The following RAPGEF2 variants were observed in gnomAD, a reference collection of about 807,000 sequenced individuals.
RAPGEF2 encodes the protein PDZ domain containing guanine nucleotide exchange factor (GEF) 1.
Under a neutral mutation model 186.7 loss-of-function variants are expected in RAPGEF2, and 54 were observed. That is an observed-to-expected ratio of 0.29 (90% CI 0.23 to 0.36). The LOEUF is 0.36. RAPGEF2 is among the 10% of genes least tolerant of loss of function. RAPGEF2 has a pLI of 1.00. For missense variants in RAPGEF2, 1,532 were observed against 2,045.0 expected, an observed-to-expected ratio of 0.75 and a Z score of 4.84; for synonymous variants, 712 against 705.9, an observed-to-expected ratio of 1.01 and a Z score of -0.14.
chr4:159,276,347 T>C (rs779814373), intron 7 of RAPGEF2, among the ~76,000 whole-genome samples: 7 of 152,250 alleles, frequency 4.6e-5, no homozygotes. Context: ...AACTTAAAGA[T>C]ATGGATGCAT....
intron 7 of RAPGEF2, among the ~76,000 whole-genome samples, chr4:159,248,550 G>A (rs945932431): frequency 1.3e-5 from 2 of 152,286 alleles, no homozygotes; most frequent in Admixed American, 1.3e-4. Context: ...ACAATGGGTG[G>A]ATGTAACAAT....
intron 7 of RAPGEF2, among the ~76,000 whole-genome samples, chr4:159,259,615 G>C (rs893623103): frequency 2.0e-5 from 3 of 152,120 alleles, no homozygotes; most frequent in Non-Finnish European, 4.4e-5. Context: ...ATTATAATAA[G>C]GAAAGCCAAA....
chr4:159,156,873 A>G (rs1378771516), intron 1 of RAPGEF2, among the ~76,000 whole-genome samples: 1 of 152,234 alleles, frequency 6.6e-6, no homozygotes, highest in Non-Finnish European at 1.5e-5. Flanking sequence ...AATAAACAAT[A>G]CAAACAAGAA....
intron 25 of RAPGEF2, among the ~76,000 whole-genome samples, chr4:159,348,197 G>A (rs1488926044): frequency 6.7e-6 from 1 of 149,258 alleles, no homozygotes; most frequent in African/African-American, 2.6e-5. Context: ...CTCCAGCCTG[G>A]GCGACAGAGC....
chr4:159,268,188 A>C (rs904087820), intron 7 of RAPGEF2: 7 of 1,610,434 alleles, frequency 4.3e-6, no homozygotes, highest in Non-Finnish European at 5.9e-6. Context: ...CTAACCATGG[A>C]GTTATGGGCC....
chr4:159,242,802 C>G (rs1369846385), intron 6 of RAPGEF2, among the ~76,000 whole-genome samples: 1 of 151,926 alleles, frequency 6.6e-6, no homozygotes, highest in Non-Finnish European at 1.5e-5. Context: ...ATTAATAGTA[C>G]AACACAGATA....
At chr4:159,221,132 T>A (rs1199412955) in intron 4 of RAPGEF2, among the ~76,000 whole-genome samples, 1 of 152,188 alleles carries the variant, frequency 6.6e-6, no homozygotes, top group Non-Finnish European at 1.5e-5. Context: ...TTAGTTGTAA[T>A]CAGTTTTGGT....
At chr4:159,192,914 A>AT (rs1410305852) in intron 2 of RAPGEF2, among the ~76,000 whole-genome samples, 1 of 152,172 alleles carries the variant, frequency 6.6e-6, no homozygotes, top group Non-Finnish European at 1.5e-5. Context: ...TCCACATGCC[A>AT]TTTACAAAAT....
intron 4 of RAPGEF2, among the ~76,000 whole-genome samples, chr4:159,222,824 A>C (rs1330000158): frequency 6.6e-6 from 1 of 152,186 alleles, no homozygotes; most frequent in Non-Finnish European, 1.5e-5. Flanking sequence ...TGATATGTGA[A>C]GGAAATTATA....
intron 1 of RAPGEF2, among the ~76,000 whole-genome samples, chr4:159,177,371 C>T (rs1746544567): frequency 2.0e-5 from 3 of 152,070 alleles, no homozygotes; most frequent in Admixed American, 2.0e-4. Flanking sequence ...ACTCAATCAC[C>T]TTTTTTTCCA....
intron 1 of RAPGEF2, among the ~76,000 whole-genome samples, chr4:159,161,863 A>C (rs930684145): frequency 3.3e-5 from 5 of 152,232 alleles, no homozygotes; most frequent in African/African-American, 1.2e-4. Context: ...CCTTTCAAGA[A>C]TCTAACTGGT....
At chr4:159,134,923 T>G (rs1741554722) in intron 1 of RAPGEF2, among the ~76,000 whole-genome samples, 1 of 152,244 alleles carries the variant, frequency 6.6e-6, no homozygotes, top group African/African-American at 2.4e-5. Flanking sequence ...GTTTTCCTAT[T>G]CTGGACATTT....
intron 17 of RAPGEF2, among the ~76,000 whole-genome samples, chr4:159,336,479 T>C (rs954398827): frequency 2.3e-4 from 35 of 152,310 alleles, no homozygotes; most frequent in African/African-American, 8.4e-4. Context: ...TCCATCCAAG[T>C]TGCTGCAAAA....
intron 1 of RAPGEF2, among the ~76,000 whole-genome samples, chr4:159,104,516 GAGAGAGAGAGGGAGAGAC>G (rs1348115968): frequency 8.5e-4 from 111 of 131,178 alleles, no homozygotes; most frequent in Middle Eastern, 3.6e-3. Flanking sequence ...GAGAGAGAGA[GAGAGAGAGAGGGAGAGAC>G]AGAGAGAGAG....
chr4:159,134,292 C>A (rs1326343443), intron 1 of RAPGEF2, among the ~76,000 whole-genome samples: 1 of 152,134 alleles, frequency 6.6e-6, no homozygotes, highest in Non-Finnish European at 1.5e-5. Flanking sequence ...GAGATTCAGC[C>A]ATAGTGTTGT....
At chr4:159,257,034 CTTTAG>C (rs2111535821) in intron 7 of RAPGEF2, among the ~76,000 whole-genome samples, 2 of 152,202 alleles carry the variant, frequency 1.3e-5, no homozygotes, top group South Asian at 4.2e-4. Context: ...TGCAGAGGCT[CTTTAG>C]TTTAATTAGA....
At chr4:159,299,430 T>TAA (rs56009800) in intron 7 of RAPGEF2, among the ~76,000 whole-genome samples, 25,307 of 140,506 alleles carry the variant, frequency 0.18, 2,356 homozygotes, top group Admixed American at 0.25. Context: ...TCTTTTACAT[T>TAA]AAAAAAAAAA....
chr4:159,205,127 G>C (rs11735350), intron 3 of RAPGEF2, among the ~76,000 whole-genome samples: 53,979 of 151,996 alleles, frequency 0.36, 9,771 homozygotes, highest in African/African-American at 0.38. Context: ...CCTCTTGGGA[G>C]TTCATATTGA....
chr4:159,248,319 A>G (rs181274907), intron 7 of RAPGEF2, among the ~76,000 whole-genome samples: 180 of 152,346 alleles, frequency 1.2e-3, no homozygotes, highest in African/African-American at 4.0e-3. Flanking sequence ...AGTGTTAGAG[A>G]GTGATATACA....
Sources: allele counts gnomAD v4.1 joint callset (sites outside exome capture counted in the v4.1 genomes callset), GRCh38; gene constraint gnomAD v4.1.1; transcripts MANE v1.5; gene names NCBI Gene and HGNC (gene_info 2026-07-23, HGNC 2026-07-21).